CFTR: variants seen among roughly 807,000 people sequenced by gnomAD.
CFTR encodes CF transmembrane conductance regulator.
A neutral mutation model predicts 171.6 loss-of-function variants in CFTR; 181 were observed. The observed-to-expected ratio is 1.05, with a 90% CI of 0.93 to 1.19. The LOEUF (loss-of-function observed/expected upper bound fraction) is 1.19, where lower values mean the gene tolerates loss of function less well. CFTR is among the 50% of genes most tolerant of loss of function. The probability of loss-of-function intolerance (pLI) is 0.00; values close to 1 mark genes in which losing one functional copy is unlikely to be tolerated. For synonymous variants in CFTR, 583 were observed against 608.0 expected (o/e 0.96, Z 0.60); for missense variants, 1,968 against 1,734.7 (o/e 1.13, Z -2.39).
intron 24 of CFTR, among the ~76,000 whole-genome samples, chr7:117,653,309 C>T (rs1274443614): frequency 6.6e-6 from 1 of 152,170 alleles, no homozygotes; most frequent in Admixed American, 6.5e-5. Context: ...CTATCTTGGT[C>T]CATTTAGGCT....
chr7:117,508,870 G>A (rs542117120), intron 2 of CFTR, among the ~76,000 whole-genome samples, 164 bp from the exon 3 acceptor site: 1 of 152,326 alleles, frequency 6.6e-6, no homozygotes, highest in East Asian at 1.9e-4. Context: ...CAAATATCTG[G>A]CTGAGTGTTT....
At chr7:117,531,678 A>G (rs1168882334) in intron 4 of CFTR, among the ~76,000 whole-genome samples, 2 of 152,124 alleles carry the variant, frequency 1.3e-5, no homozygotes, top group African/African-American at 4.8e-5. Context: ...TTCTGCATGT[A>G]TTGTCCAGAC....
chr7:117,665,555 A>G lies in CFTR; in HGVS notation c.4233A>G (p.Gln1411=). 1 of 1,607,908 alleles carries G rather than the reference A, an allele frequency of 6.2e-7. No homozygotes were observed. Among genetic ancestry groups the G allele is most frequent in the Non-Finnish European group, 8.5e-7 (1 of 1,174,508 alleles). Residue 1411 remains glutamine (Q), a synonymous_variant, in exon 26 of 27, where the codon CAA becomes CAG. Coordinates refer to ENST00000003084, the MANE Select transcript of CFTR (RefSeq NM_000492.4). ...EHRIEAMLEC[Q]QFLVIEENKV... ...GGATAGAAGCAATGCTGGAATGCCA[A>G]CAATTTTTGGTGAGTCTTTATAACT...
intron 22 of CFTR, among the ~76,000 whole-genome samples, chr7:117,636,553 C>T (rs528150723): frequency 3.3e-5 from 5 of 151,644 alleles, no homozygotes; most frequent in African/African-American, 9.7e-5. Flanking sequence ...GTAGTCATCC[C>T]GCTGTTTTGG....
At chr7:117,633,615 T>C (rs922791924) in intron 22 of CFTR, among the ~76,000 whole-genome samples, 1 of 151,950 alleles carries the variant, frequency 6.6e-6, no homozygotes, top group African/African-American at 2.4e-5. Context: ...TCATTAAGTA[T>C]GATTTTAGCT....
chr7:117,651,797 C>T (rs1252264949), intron 23 of CFTR, among the ~76,000 whole-genome samples: 3 of 152,112 alleles, frequency 2.0e-5, no homozygotes, highest in African/African-American at 7.2e-5. Context: ...CTCCATCTGC[C>T]TGAGAGACAC....
intron 16 of CFTR, 145 bp downstream of exon 16, chr7:117,603,008 T>G: frequency 1.2e-6 from 1 of 857,446 alleles, no homozygotes; most frequent in East Asian, 2.5e-5. Context: ...GTTTTTTGTT[T>G]AAATGATGAC....
intron 9 of CFTR, among the ~76,000 whole-genome samples, chr7:117,543,853 A>G (rs1018977269): frequency 6.6e-6 from 1 of 152,212 alleles, no homozygotes; most frequent in African/African-American, 2.4e-5. Context: ...TGAGTCTTCC[A>G]ATACTGTACT....
At chr7:117,575,924 A>G (rs1044331269) in intron 11 of CFTR, among the ~76,000 whole-genome samples, 1 of 152,022 alleles carries the variant, frequency 6.6e-6, no homozygotes, top group South Asian at 2.1e-4. Flanking sequence ...TAAAATTTTT[A>G]TGTAGTCACT....
intron 1 of CFTR, among the ~76,000 whole-genome samples, chr7:117,486,302 G>A (rs969704616): frequency 6.6e-6 from 1 of 152,174 alleles, no homozygotes; most frequent in Non-Finnish European, 1.5e-5. Context: ...TAACCTGGAA[G>A]ATGACCTCAT....
intron 22 of CFTR, among the ~76,000 whole-genome samples, chr7:117,640,987 T>G (rs1413670459): frequency 1.3e-5 from 2 of 152,104 alleles, no homozygotes; most frequent in Non-Finnish European, 2.9e-5. Context: ...ATATTTTTGG[T>G]ACAAACAAAA....
chr7:117,576,175 AT>A (rs1170093520), intron 11 of CFTR, among the ~76,000 whole-genome samples: 1 of 151,964 alleles, frequency 6.6e-6, no homozygotes, highest in Non-Finnish European at 1.5e-5. Context: ...ATTCTGACAT[AT>A]TTTTTCTAGG....
chr7:117,489,461 G>A (rs996347658), intron 1 of CFTR, among the ~76,000 whole-genome samples: 2 of 152,062 alleles, frequency 1.3e-5, no homozygotes, highest in African/African-American at 4.8e-5. Context: ...CTTAAAGCAA[G>A]TACGCATGAT....
intron 1 of CFTR, among the ~76,000 whole-genome samples, chr7:117,499,507 T>C (rs1297465496): frequency 6.8e-6 from 1 of 146,714 alleles, no homozygotes; most frequent in African/African-American, 2.6e-5. Flanking sequence ...AAATCTGAAA[T>C]CTCTTATAGT....
intron 14 of CFTR, among the ~76,000 whole-genome samples, chr7:117,594,583 G>T (rs1377891516): frequency 2.0e-5 from 3 of 152,134 alleles, no homozygotes; most frequent in African/African-American, 7.2e-5. Flanking sequence ...AGAGTTCTGG[G>T]AAACTTCATT....
intron 21 of CFTR, among the ~76,000 whole-genome samples, chr7:117,618,983 CTCTT>C (rs770780549): frequency 6.6e-6 from 1 of 152,174 alleles, no homozygotes; most frequent in Non-Finnish European, 1.5e-5. Flanking sequence ...TACTAATTCA[CTCTT>C]TATTTTAACA....
chr7:117,612,027 A>ATATATG (rs1792404308), intron 20 of CFTR, among the ~76,000 whole-genome samples: 2 of 66,006 alleles, frequency 3.0e-5, no homozygotes, highest in Non-Finnish European at 6.0e-5. Flanking sequence ...ATATATGTAT[A>ATATATG]TATATATATA....
At chr7:117,480,895 G>C (rs1199556951) in intron 1 of CFTR, among the ~76,000 whole-genome samples, 4 of 152,084 alleles carry the variant, frequency 2.6e-5, no homozygotes, top group Non-Finnish European at 5.9e-5. Flanking sequence ...GGAATCTTAG[G>C]CAAAGTGTTG....
chr7:117,657,235 T>G (rs1350685699), intron 24 of CFTR, among the ~76,000 whole-genome samples: 1 of 152,216 alleles, frequency 6.6e-6, no homozygotes, highest in Non-Finnish European at 1.5e-5. Flanking sequence ...GGTTATGATT[T>G]TAAATACTAA....
Sources: allele counts gnomAD v4.1 joint callset (sites outside exome capture counted in the v4.1 genomes callset), GRCh38; gene constraint gnomAD v4.1.1; transcripts MANE v1.5; gene names NCBI Gene and HGNC (gene_info 2026-07-23, HGNC 2026-07-21).